The following BTBD9 variants were observed in gnomAD, a reference collection of about 807,000 sequenced individuals.
The protein encoded by BTBD9 is BTB domain containing 9.
In BTBD9, 49 loss-of-function variants were observed where a neutral mutation model predicts 64.3. That is an observed-to-expected ratio of 0.76 (90% CI 0.61 to 0.97). The LOEUF (loss-of-function observed/expected upper bound fraction) is 0.97, where lower values mean the gene tolerates loss of function less well. BTBD9 is among the 50% of genes least tolerant of loss of function. BTBD9 has a pLI of 0.00. For synonymous variants in BTBD9, 260 were observed against 274.7 expected (o/e 0.95, Z 0.53); for missense variants, 598 against 762.1 (o/e 0.78, Z 2.53).
chr6:38,547,217 A>G (rs1385690889), intron 6 of BTBD9, among the ~76,000 whole-genome samples: 1 of 152,160 alleles, frequency 6.6e-6, no homozygotes, highest in Non-Finnish European at 1.5e-5. Flanking sequence ...AAGTGAAAGG[A>G]AGAGTGACAC....
intron 6 of BTBD9, among the ~76,000 whole-genome samples, chr6:38,523,941 C>T (rs1467441206): frequency 1.3e-5 from 2 of 152,136 alleles, no homozygotes; most frequent in Non-Finnish European, 2.9e-5. Flanking sequence ...GTTCTGCTGC[C>T]TATGTGGAAT....
intron 6 of BTBD9, among the ~76,000 whole-genome samples, chr6:38,558,730 A>T (rs1475780373): frequency 2.0e-5 from 3 of 152,226 alleles, no homozygotes; most frequent in Admixed American, 2.0e-4. Flanking sequence ...TCCCAGGAAT[A>T]AAGCCTGCTT....
At chr6:38,467,391 A>C (rs1243853891) in intron 6 of BTBD9, among the ~76,000 whole-genome samples, 1 of 152,238 alleles carries the variant, frequency 6.6e-6, no homozygotes, top group Non-Finnish European at 1.5e-5. Flanking sequence ...CTATGTATAC[A>C]AATACCTTAG....
intron 9 of BTBD9, among the ~76,000 whole-genome samples, chr6:38,221,703 T>C (rs1043826919): frequency 3.9e-5 from 6 of 152,160 alleles, no homozygotes; most frequent in African/African-American, 1.4e-4. Context: ...AGAGATATGA[T>C]CTCAAAAGGC....
At chr6:38,457,480 A>AT (rs200248949) in intron 6 of BTBD9, among the ~76,000 whole-genome samples, 3,074 of 147,010 alleles carry the variant, frequency 0.021, 45 homozygotes, top group Non-Finnish European at 0.031. Context: ...TGAAGAGTTA[A>AT]TTTTTTTTTT....
At chr6:38,224,188 G>A (rs1763309262) in intron 9 of BTBD9, among the ~76,000 whole-genome samples, 1 of 152,126 alleles carries the variant, frequency 6.6e-6, no homozygotes, top group African/African-American at 2.4e-5. Context: ...ACTCCAGCCT[G>A]GGTGACAGAG....
rs1445592803 is a variant in BTBD9, at chr6:38,184,283, C to T, written c.1641+8236G>A. On this transcript the variant is annotated intron_variant, in intron 10 of 10. Transcript: ENST00000481247. This position sits in a 1 kb window ranked among gnomAD's most constrained non-coding sequence, Gnocchi z 4.4. ...GGCTGCCCGCTGGGCTTGACTATCC[C>T]GGCTGTCCCTGCACTGCCTCCTCTC... 2.0e-5 allele frequency among the ~76,000 whole-genome samples: 3 copies of T among 152,334 alleles called. No individual in the cohort carries two copies. Among genetic ancestry groups the T allele is most frequent in the Admixed American group, 6.5e-5 (1 of 15,308 alleles).
chr6:38,594,157 T>C lies in BTBD9; in HGVS notation c.356A>G (p.Lys119Arg). ...ATCCTCTAGCTCTGGAAATCCATAT[T>C]TATGAGCCAGGCTCAAAAAGTCCAG... The part of the protein sequence containing the change: ...VLLDFLSLAH[K>R]YGFPELEDST... Residue 119 changes from lysine to arginine, a missense_variant, in exon 3 of 11, where the codon AAA (lysine) becomes AGA (arginine). Physicochemically the swap from Lys to Arg is conservative, Grantham distance 26. Coordinates refer to ENST00000481247, the MANE Select transcript of BTBD9 (RefSeq NM_001099272.2). 6.2e-7 allele frequency: 1 copy of C among 1,614,190 alleles called. No homozygotes were observed. The highest frequency in any genetic ancestry group is 8.5e-7 in the Non-Finnish European group (1 of 1,180,024).
chr6:38,531,452 T>C (rs1261745782), intron 6 of BTBD9, among the ~76,000 whole-genome samples: 4 of 152,164 alleles, frequency 2.6e-5, no homozygotes, highest in African/African-American at 9.7e-5. Context: ...AGGAAGTTCT[T>C]CAATCTGAAA....
chr6:38,378,416 G>T (rs767059393), intron 6 of BTBD9, among the ~76,000 whole-genome samples: 1 of 151,286 alleles, frequency 6.6e-6, no homozygotes, highest in Admixed American at 6.6e-5. Flanking sequence ...GGTAATTTTC[G>T]TATTTTTAGT....
chr6:38,238,900 C>G (rs1262124079), intron 9 of BTBD9, among the ~76,000 whole-genome samples: 1 of 152,098 alleles, frequency 6.6e-6, no homozygotes, highest in East Asian at 1.9e-4. Context: ...TCCCTGAATT[C>G]TAAAAGGGAA....
intron 6 of BTBD9, among the ~76,000 whole-genome samples, chr6:38,392,825 A>C (rs1268070976): frequency 6.6e-6 from 1 of 152,110 alleles, no homozygotes; most frequent in African/African-American, 2.4e-5. Flanking sequence ...ATATAACATA[A>C]GGCAATGATT....
intron 1 of BTBD9, among the ~76,000 whole-genome samples, chr6:38,610,452 T>G (rs1185640944): frequency 4.6e-5 from 7 of 152,184 alleles, no homozygotes; most frequent in Non-Finnish European, 1.0e-4. Context: ...GAGGAGACAC[T>G]CAGTGGCACT....
At chr6:38,559,949 A>AT (rs1775199583) in intron 6 of BTBD9, among the ~76,000 whole-genome samples, 1 of 152,226 alleles carries the variant, frequency 6.6e-6, no homozygotes, top group African/African-American at 2.4e-5. Context: ...AATGACTTAA[A>AT]TGTAAGACTT....
Position 38,175,005 on chromosome 6 carries a change from G to C in BTBD9, c.1819C>G (p.Pro607Ala), listed in dbSNP as rs1328452037. The part of the protein sequence containing the change: ...PSSPGSNSRS[P>A]NRQHQ ...CTCCTTTATTGGTGCTGCCGGTTGG[G>C]GGAGCGTGAGTTGGAGCCTGGGCTG... is the stretch of plus-strand genomic sequence containing the variant. The change falls in exon 11 of 11, where the codon CCC (proline) becomes GCC (alanine). Residue 607 changes from proline (P) to alanine (A), a missense_variant. Coordinates refer to ENST00000481247, the MANE Select transcript of BTBD9 (RefSeq NM_001099272.2). 6.2e-7 allele frequency: 1 copy of C among 1,613,888 alleles called. No homozygotes were observed. Among genetic ancestry groups the C allele is most frequent in the East Asian group, 2.2e-5 (1 of 44,900 alleles).
At chr6:38,190,396 G>C (rs1176079248) in intron 10 of BTBD9, among the ~76,000 whole-genome samples, 1 of 150,954 alleles carries the variant, frequency 6.6e-6, no homozygotes, top group Non-Finnish European at 1.5e-5. Context: ...TTGGACGCAG[G>C]CGGCAGAAGT....
At chr6:38,573,955 C>A (rs972173035) in intron 6 of BTBD9, among the ~76,000 whole-genome samples, 1 of 152,054 alleles carries the variant, frequency 6.6e-6, no homozygotes, top group Admixed American at 6.6e-5. Context: ...ATGGGTAAAG[C>A]GGAAATTGCC....
At chr6:38,634,641 A>G (rs1313978565) in intron 1 of BTBD9, among the ~76,000 whole-genome samples, 1 of 152,164 alleles carries the variant, frequency 6.6e-6, no homozygotes, top group Non-Finnish European at 1.5e-5. Context: ...CACACCAGAT[A>G]TATGAAAGAA....
chr6:38,584,936 T>C (rs1776446776), intron 4 of BTBD9, among the ~76,000 whole-genome samples: 1 of 152,116 alleles, frequency 6.6e-6, no homozygotes, highest in African/African-American at 2.4e-5. Flanking sequence ...TGGAAGAGTA[T>C]TTGCTTGGTG....
Sources: gnomAD v4.1 joint callset for allele counts (sites outside exome capture counted in the v4.1 genomes callset) on GRCh38, gnomAD v4.1.1 for gene constraint, Gnocchi (gnomAD v3.1) non-coding constraint, MANE v1.5 for transcripts, NCBI Gene and HGNC (gene_info 2026-07-23, HGNC 2026-07-21) for gene names.